RTN4RL1: variants seen among roughly 807,000 people sequenced by gnomAD.
RTN4RL1 encodes the protein reticulon 4 receptor like 1.
RTN4RL1 carries 7 observed loss-of-function variants against 25.6 expected under a neutral mutation model. The ratio of observed to expected loss-of-function variants is 0.27; its 90% CI spans 0.16 to 0.51. The LOEUF is 0.51. Ranked by LOEUF, RTN4RL1 falls within the 20% of genes least tolerant of loss-of-function variation. The pLI, the probability that RTN4RL1 is intolerant of heterozygous loss-of-function variation, is 0.97. For missense variants in RTN4RL1, 500 were observed against 615.6 expected, an observed-to-expected ratio of 0.81 and a Z score of 1.99; for synonymous variants, 297 against 288.2, an observed-to-expected ratio of 1.03 and a Z score of -0.31.
intron 1 of RTN4RL1, among the ~76,000 whole-genome samples, chr17:1,993,764 G>A (rs1319985792): frequency 6.6e-6 from 1 of 151,334 alleles, no homozygotes; most frequent in Non-Finnish European, 1.5e-5. Flanking sequence ...TGGTTAGGGT[G>A]CCATCGCGTT....
chr17:2,003,989 T>C (rs1439431497), intron 1 of RTN4RL1, among the ~76,000 whole-genome samples: 6 of 151,994 alleles, frequency 3.9e-5, no homozygotes, highest in Admixed American at 2.6e-4. Flanking sequence ...GAGAATCACT[T>C]GAACCCTGGA....
intron 1 of RTN4RL1, among the ~76,000 whole-genome samples, chr17:1,963,527 G>C (rs550586099): frequency 1.3e-5 from 2 of 152,204 alleles, no homozygotes; most frequent in African/African-American, 4.8e-5. Flanking sequence ...GGGGCTCCCT[G>C]CTGCCTCTGG....
chr17:1,958,341 C>T (rs185437936), intron 1 of RTN4RL1, among the ~76,000 whole-genome samples: 47 of 152,346 alleles, frequency 3.1e-4, no homozygotes, highest in African/African-American at 1.1e-3. Flanking sequence ...CTCCCAGCAT[C>T]GGCCCCCGCC....
intron 1 of RTN4RL1, among the ~76,000 whole-genome samples, chr17:2,002,007 T>TC (rs1341819623): frequency 6.7e-6 from 1 of 150,364 alleles, no homozygotes. Context: ...TTAAAGGATT[T>TC]TTTTTTTTTG....
chr17:2,015,233 G>A (rs902009776), intron 1 of RTN4RL1, among the ~76,000 whole-genome samples: 1 of 152,154 alleles, frequency 6.6e-6, no homozygotes, highest in Non-Finnish European at 1.5e-5. Flanking sequence ...TCAGCTCTTG[G>A]GCTGGGGGTG....
chr17:2,019,060 G>C (rs2067165239), intron 1 of RTN4RL1: 2 of 152,280 alleles, frequency 1.3e-5, no homozygotes, highest in African/African-American at 4.8e-5. Context: ...CATCCCTGGA[G>C]GCCCCTCTGC....
chr17:1,964,670 T>C (rs999041194), intron 1 of RTN4RL1, among the ~76,000 whole-genome samples: 6 of 150,096 alleles, frequency 4.0e-5, no homozygotes, highest in Non-Finnish European at 8.9e-5. Context: ...AGGCGGAGCT[T>C]GCAGTGAGCC....
intron 1 of RTN4RL1, chr17:2,020,618 C>G (rs2067188308): frequency 6.6e-6 from 1 of 152,204 alleles, no homozygotes; most frequent in Non-Finnish European, 1.5e-5. Flanking sequence ...CTAGCTCTCG[C>G]TGAATTATTC....
chr17:2,012,699 ACAAT>A (rs2067065231), intron 1 of RTN4RL1, among the ~76,000 whole-genome samples: 1 of 152,058 alleles, frequency 6.6e-6, no homozygotes, highest in African/African-American at 2.4e-5. Flanking sequence ...CAACCTATGT[ACAAT>A]CATTCAATCA....
chr17:2,002,339 C>T (rs1178241586), intron 1 of RTN4RL1, among the ~76,000 whole-genome samples: 3 of 149,836 alleles, frequency 2.0e-5, no homozygotes, highest in Non-Finnish European at 4.4e-5. Flanking sequence ...GTCGCCCAGG[C>T]TGGAGTGCAG....
intron 1 of RTN4RL1, among the ~76,000 whole-genome samples, chr17:2,014,131 A>T (rs566298503): frequency 6.8e-4 from 104 of 152,334 alleles, no homozygotes; most frequent in African/African-American, 2.3e-3. Context: ...AGGGACACCC[A>T]GTGCCCATGG....
intron 1 of RTN4RL1, among the ~76,000 whole-genome samples, chr17:1,960,840 C>T (rs939566474): frequency 7.9e-5 from 12 of 152,106 alleles, no homozygotes; most frequent in African/African-American, 2.4e-4. Context: ...ACGGTTCCCA[C>T]GGGGCCCTCT....
Position 1,936,701 on chromosome 17 carries a change from G to T in RTN4RL1, c.1121C>A (p.Ala374Asp). The change falls in exon 2 of 2, where the codon GCC becomes GAC. Residue 374 changes from alanine (A) to aspartate (D), a missense_variant. Around this residue, in one of 2 missense-constraint regions of RTN4RL1, gnomAD observed 268 missense variants for 274.5 expected, o/e 0.98. Coordinates refer to ENST00000331238, the MANE Select transcript of RTN4RL1 (RefSeq NM_178568.4). ...TGGGGCATAGTCTGGCAGCTCGGGGGCCTGTTTCCCGGCGCCCGCCTTAGA... is the reference window on the plus strand; with the variant it reads ...TGGGGCATAGTCTGGCAGCTCGGGGTCCTGTTTCCCGGCGCCCGCCTTAGA... ...QISKAGAGKQAPELPDYAPDY... is the reference protein window; with the variant it reads ...QISKAGAGKQDPELPDYAPDY... 1 of 1,582,702 alleles carries T rather than the reference G, an allele frequency of 6.3e-7. No homozygotes were observed.
chr17:1,939,671 T>G (rs921907165), intron 1 of RTN4RL1, among the ~76,000 whole-genome samples: 5 of 152,220 alleles, frequency 3.3e-5, no homozygotes, highest in African/African-American at 1.2e-4. Flanking sequence ...ATAATTTATT[T>G]TCCGATGTGT....
intron 1 of RTN4RL1, among the ~76,000 whole-genome samples, chr17:1,986,161 T>G (rs1211309328): frequency 6.6e-6 from 1 of 151,936 alleles, no homozygotes; most frequent in Non-Finnish European, 1.5e-5. Flanking sequence ...GGATCTGGGG[T>G]CCACAGAGTC....
chr17:1,991,454 A>C (rs2066908254), intron 1 of RTN4RL1, among the ~76,000 whole-genome samples: 2 of 144,418 alleles, frequency 1.4e-5, no homozygotes, highest in South Asian at 2.2e-4. Context: ...AGTAAAAAAA[A>C]AAAAAAAAAC....
rs1375905488 is a variant in RTN4RL1, at chr17:1,936,988, G to A, written c.834C>T (p.Ser278=). 3.5e-5 allele frequency: 56 copies of A among 1,604,988 alleles called. No individual in the cohort carries two copies. Among genetic ancestry groups the A allele is most frequent in the African/African-American group, 4.0e-5 (3 of 74,840 alleles). The part of the protein sequence containing the change: ...EWLQRFRGSS[S]AVPCVSPGLR... ...GCCCAGGGGACACACAGGGGACAGC[G>A]GAGCTGGAGCCCCGGAACCTCTGCA... Residue 278 remains serine (S), a synonymous_variant, in exon 2 of 2, where the codon TCC becomes TCT. Transcript: ENST00000331238.
intron 1 of RTN4RL1, among the ~76,000 whole-genome samples, chr17:1,950,933 T>C (rs1272251595): frequency 6.9e-6 from 1 of 145,568 alleles, no homozygotes; most frequent in Non-Finnish European, 1.5e-5. Flanking sequence ...TCTCTGTGTG[T>C]GAAAGGAAGT....
intron 1 of RTN4RL1, among the ~76,000 whole-genome samples, chr17:1,973,514 T>C (rs1398890051): frequency 7.4e-6 from 1 of 134,758 alleles, no homozygotes; most frequent in African/African-American, 2.7e-5. Flanking sequence ...CAAGACTCCA[T>C]GTCAAAAAAA....
Sources: allele counts gnomAD v4.1 joint callset (sites outside exome capture counted in the v4.1 genomes callset), GRCh38; gene constraint gnomAD v4.1.1; regional missense constraint gnomAD v4.1.1; transcripts MANE v1.5; gene names NCBI Gene and HGNC (gene_info 2026-07-23, HGNC 2026-07-21).